RPA3: variants seen among roughly 807,000 people sequenced by gnomAD.
The protein encoded by RPA3 is replication protein A 14 kDa subunit.
A neutral mutation model predicts 13.7 loss-of-function variants in RPA3; 24 were observed. The observed-to-expected ratio is 1.75, with a 90% CI of 1.27 to 2.46. The LOEUF (loss-of-function observed/expected upper bound fraction) is 2.46, where lower values mean the gene tolerates loss of function less well. Among genes scored for constraint, RPA3 ranks in the 30% most tolerant of loss-of-function variants. RPA3 has a pLI of 0.00. For missense variants in RPA3, 183 were observed against 151.0 expected, an observed-to-expected ratio of 1.21 and a Z score of -1.11; for synonymous variants, 59 against 51.2, an observed-to-expected ratio of 1.15 and a Z score of -0.65.
intron 2 of RPA3, among the ~76,000 whole-genome samples, chr7:7,697,528 G>T (rs1340784194): frequency 6.6e-6 from 1 of 152,174 alleles, no homozygotes; most frequent in African/African-American, 2.4e-5. Context: ...TTTTGTGGCA[G>T]TCCTGCTCAA....
At chr7:7,709,191 CCTAT>C (rs1352848579) in intron 2 of RPA3, among the ~76,000 whole-genome samples, 4 of 152,066 alleles carry the variant, frequency 2.6e-5, no homozygotes, top group Middle Eastern at 3.2e-3. Flanking sequence ...TCTTTGTTTT[CCTAT>C]CTGTGTGCTG....
At chr7:7,638,928 G>A in intron 6 of RPA3, 142 bp downstream of exon 6, 1 of 526,782 alleles carries the variant, frequency 1.9e-6, no homozygotes, top group Non-Finnish European at 3.3e-6. Flanking sequence ...AATAGTACAA[G>A]AATTAAATTT....
chr7:7,657,946 A>G (rs958579651), intron 4 of RPA3, among the ~76,000 whole-genome samples: 17 of 152,226 alleles, frequency 1.1e-4, no homozygotes, highest in African/African-American at 3.9e-4. Flanking sequence ...ATCCATGAGC[A>G]TGGAATGTTT....
chr7:7,647,243 C>T (rs1253368476), intron 4 of RPA3, among the ~76,000 whole-genome samples: 2 of 152,102 alleles, frequency 1.3e-5, no homozygotes, highest in Admixed American at 6.5e-5. Context: ...TCTTTTTTGA[C>T]CCATGCATTA....
Position 7,656,929 on chromosome 7 carries a change from C to T in RPA3, c.-757-15754G>A, listed in dbSNP as rs185778138. Among the ~76,000 whole-genome samples, 205 of 152,332 alleles carry T rather than the reference C, an allele frequency of 1.3e-3. 2 individuals carry two copies. Among genetic ancestry groups the T allele is most frequent in the African/African-American group, 4.5e-3 (189 of 41,580 alleles). On this transcript the variant is annotated intron_variant, in intron 4 of 7. Coordinates refer to ENST00000223129, the MANE Select transcript of RPA3 (RefSeq NM_002947.5). ...TGGTTGAACTAATTTACACTTCCAC[C>T]AACAGTGTTAAAAGCCTTCCTATTT... is the stretch of plus-strand genomic sequence containing the variant.
intron 4 of RPA3, among the ~76,000 whole-genome samples, chr7:7,684,671 A>G (rs1007555264): frequency 3.3e-5 from 5 of 152,340 alleles, no homozygotes; most frequent in African/African-American, 7.2e-5. Flanking sequence ...TAATTATACA[A>G]TGTGAATTCC....
At chr7:7,678,699 T>G in intron 4 of RPA3, among the ~76,000 whole-genome samples, 1 of 86,382 alleles carries the variant, frequency 1.2e-5, no homozygotes, top group Admixed American at 1.2e-4. Context: ...TTTATAAATA[T>G]ATATTTATAT....
chr7:7,640,812 C>A lies in RPA3; in HGVS notation c.-394G>T, dbSNP rs1248557457. ...GCTGGTGCGGCGGGGGACTGCGGGG[C>A]CAGCCTCAGGTACCTCGTCTCGCGG... On this transcript the variant is annotated 5_prime_UTR_variant, in exon 5 of 8. Transcript: ENST00000223129. 6 of 204,502 alleles carry A rather than the reference C, an allele frequency of 2.9e-5. No homozygotes were observed. Among genetic ancestry groups the A allele is most frequent in the Admixed American group, 2.4e-4 (4 of 16,888 alleles). 12.7% of individuals were successfully genotyped at this position (204,502 alleles called of 1,614,324 possible). A position where few individuals can be genotyped will look rare whatever the true frequency, so the allele number is the denominator to read the frequency against.
chr7:7,696,299 A>AT (rs1349896059), intron 2 of RPA3, among the ~76,000 whole-genome samples: 1 of 151,248 alleles, frequency 6.6e-6, no homozygotes, highest in African/African-American at 2.4e-5. Context: ...TATTAGGTAG[A>AT]TTAAAAAAAA....
chr7:7,671,283 C>T (rs13227585), intron 4 of RPA3, among the ~76,000 whole-genome samples: 26,366 of 152,132 alleles, frequency 0.17, 2,476 homozygotes, highest in Middle Eastern at 0.23. Context: ...TTTTTCACCT[C>T]TGTGCATGCC....
chr7:7,669,783 G>C (rs139595734), intron 4 of RPA3, among the ~76,000 whole-genome samples: 2 of 152,216 alleles, frequency 1.3e-5, no homozygotes, highest in Non-Finnish European at 2.9e-5. Flanking sequence ...TAATAATTTC[G>C]GAACTGTCTG....
At chr7:7,659,462 A>G (rs1785422295) in intron 4 of RPA3, among the ~76,000 whole-genome samples, 1 of 152,150 alleles carries the variant, frequency 6.6e-6, no homozygotes, top group East Asian at 1.9e-4. Flanking sequence ...ATTTTCCTCT[A>G]AACACTGCTT....
intron 4 of RPA3, among the ~76,000 whole-genome samples, chr7:7,655,714 A>C (rs1477717723): frequency 6.6e-6 from 1 of 152,198 alleles, no homozygotes; most frequent in African/African-American, 2.4e-5. Context: ...TTAGGGGACG[A>C]ATGAAAAGAT....
At chr7:7,656,714 C>T (rs1293404959) in intron 4 of RPA3, among the ~76,000 whole-genome samples, 1 of 152,136 alleles carries the variant, frequency 6.6e-6, no homozygotes. Context: ...TCCAGTCTAT[C>T]ATTGATCGGC....
At chr7:7,664,032 A>C (rs1345180360) in intron 4 of RPA3, among the ~76,000 whole-genome samples, 1 of 152,226 alleles carries the variant, frequency 6.6e-6, no homozygotes. Context: ...CTGAAGGCCA[A>C]GTCCAGTTTT....
intron 4 of RPA3, among the ~76,000 whole-genome samples, chr7:7,651,894 A>G (rs1443565277): frequency 6.6e-6 from 1 of 151,984 alleles, no homozygotes; most frequent in Non-Finnish European, 1.5e-5. Flanking sequence ...CCTGTCTTGT[A>G]CTCTGTTTTA....
At position 7,637,992 on chromosome 7, in the gene RPA3, A is replaced by G. The variant is rs750203411; in HGVS notation, c.175-20T>C. 1 of 1,586,746 alleles carries G rather than the reference A, an allele frequency of 6.3e-7. No homozygotes were observed. Among genetic ancestry groups the G allele is most frequent in the East Asian group, 2.2e-5 (1 of 44,608 alleles). ...ATCAAGCTAAGACACAGAACAAGAC[A>G]TCGATTTGGTGATATCACATTTTCA... On this transcript the variant is annotated intron_variant, in intron 6 of 7. Transcript: ENST00000223129.
At chr7:7,681,799 T>C (rs1191756457) in intron 4 of RPA3, among the ~76,000 whole-genome samples, 1 of 152,182 alleles carries the variant, frequency 6.6e-6, no homozygotes, top group African/African-American at 2.4e-5. Flanking sequence ...GACATTATCT[T>C]TAAGTTGATT....
At chr7:7,665,717 C>T (rs768728957) in intron 4 of RPA3, among the ~76,000 whole-genome samples, 126 of 152,098 alleles carry the variant, frequency 8.3e-4, no homozygotes, top group Admixed American at 9.2e-4. Context: ...CCCAGGCAAC[C>T]TCTGATATAC....
Sources: gnomAD v4.1 joint callset for allele counts (sites outside exome capture counted in the v4.1 genomes callset) on GRCh38, gnomAD v4.1.1 for gene constraint, MANE v1.5 for transcripts, NCBI Gene and HGNC (gene_info 2026-07-23, HGNC 2026-07-21) for gene names.